HTR1F: variants seen among roughly 807,000 people sequenced by gnomAD.
HTR1F encodes 5-hydroxytryptamine receptor 1F, also known as 5-hydroxytryptamine (serotonin) receptor 1F, G protein-coupled.
A neutral mutation model predicts 24.0 loss-of-function variants in HTR1F; 17 were observed. That is an observed-to-expected ratio of 0.71 (90% confidence interval 0.48 to 1.06). HTR1F has a LOEUF of 1.06. HTR1F is among the 50% of genes least tolerant of loss of function. The pLI is 0.00. For missense variants in HTR1F, 391 were observed against 427.8 expected (o/e 0.91, Z 0.76); for synonymous variants, 186 against 156.8 (o/e 1.19, Z -1.39).
intron 2 of HTR1F, among the ~76,000 whole-genome samples, chr3:87,968,109 C>T (rs1015072129): frequency 3.9e-5 from 6 of 152,208 alleles, no homozygotes; most frequent in African/African-American, 1.4e-4. Context: ...ATACAGGTGA[C>T]TCTTGCTATG....
chr3:87,803,448 A>C (rs1037617516), intron 1 of HTR1F, among the ~76,000 whole-genome samples: 2 of 152,128 alleles, frequency 1.3e-5, no homozygotes, highest in African/African-American at 4.8e-5. Context: ...TAAGGGGGGA[A>C]AATCTATCCA....
At chr3:87,823,516 A>AT (rs199538588) in intron 2 of HTR1F, among the ~76,000 whole-genome samples, 12,599 of 139,258 alleles carry the variant, frequency 0.09, 596 homozygotes, top group Middle Eastern at 0.12. Flanking sequence ...CTGGTCCCAT[A>AT]TTTTTTTTTT....
intron 2 of HTR1F, among the ~76,000 whole-genome samples, chr3:87,877,919 C>G (rs1046686790): frequency 1.3e-5 from 2 of 152,176 alleles, no homozygotes; most frequent in African/African-American, 4.8e-5. Context: ...AGACCTCCCA[C>G]ACAATGAATT....
intron 2 of HTR1F, among the ~76,000 whole-genome samples, chr3:87,946,375 T>C (rs1339129963): frequency 6.6e-6 from 1 of 152,078 alleles, no homozygotes; most frequent in Non-Finnish European, 1.5e-5. Context: ...CCAAAGAGGG[T>C]AGCCTGAAAA....
At chr3:87,967,375 A>G (rs1431150) in intron 2 of HTR1F, among the ~76,000 whole-genome samples, 95,087 of 151,734 alleles carry the variant, frequency 0.63, 31,227 homozygotes, top group South Asian at 0.8. Context: ...ACTTGAACCA[A>G]GGAGGCGGAG....
chr3:87,942,062 C>T (rs372905793), intron 2 of HTR1F, among the ~76,000 whole-genome samples: 6 of 152,116 alleles, frequency 3.9e-5, no homozygotes, highest in East Asian at 1.9e-4. Context: ...ATTCTTTGCT[C>T]GTCCATATTG....
chr3:87,824,281 T>C (rs1704418412), intron 2 of HTR1F, among the ~76,000 whole-genome samples: 1 of 152,200 alleles, frequency 6.6e-6, no homozygotes, highest in East Asian at 1.9e-4. Flanking sequence ...AGACCAAAAA[T>C]GTGGGGGTCT....
At chr3:87,933,846 T>G (rs1404009645) in intron 2 of HTR1F, among the ~76,000 whole-genome samples, 1 of 152,178 alleles carries the variant, frequency 6.6e-6, no homozygotes, top group Non-Finnish European at 1.5e-5. Flanking sequence ...ATTAATTCCA[T>G]TCCAGGTTTT....
At chr3:87,974,559 T>A (rs1031014869) in intron 2 of HTR1F, among the ~76,000 whole-genome samples, 1 of 45,204 alleles carries the variant, frequency 2.2e-5, no homozygotes, top group African/African-American at 4.2e-5. Context: ...TGCCTGGCAA[T>A]CTTTTTTTAA....
At chr3:87,802,080 TTCCCTCCCTCCCTCC>T (rs1159426544) in intron 1 of HTR1F, among the ~76,000 whole-genome samples, 2 of 77,592 alleles carry the variant, frequency 2.6e-5, no homozygotes, top group Admixed American at 1.4e-4. Context: ...CCCTCCCTCC[TTCCCTCCCTCCCTCC>T]TCCCTCCCTC....
chr3:87,854,785 C>T (rs527709965), intron 2 of HTR1F, among the ~76,000 whole-genome samples: 2 of 152,160 alleles, frequency 1.3e-5, no homozygotes, highest in East Asian at 1.9e-4. Flanking sequence ...TGGTTCGAGA[C>T]ATTCTTCCTC....
chr3:87,908,380 T>A (rs1448751162), intron 2 of HTR1F, among the ~76,000 whole-genome samples: 1 of 151,928 alleles, frequency 6.6e-6, no homozygotes, highest in East Asian at 1.9e-4. Context: ...CTAGCTAGAG[T>A]CAGCTGGTAG....
At chr3:87,969,718 G>C (rs543561776) in intron 2 of HTR1F, among the ~76,000 whole-genome samples, 1 of 152,296 alleles carries the variant, frequency 6.6e-6, no homozygotes, top group African/African-American at 2.4e-5. Context: ...TGTTGAGAAG[G>C]CATGATTGGT....
intron 2 of HTR1F, among the ~76,000 whole-genome samples, chr3:87,971,023 C>T (rs770968676): frequency 1.3e-5 from 2 of 152,194 alleles, no homozygotes; most frequent in African/African-American, 2.4e-5. Context: ...GCCTCCTCCC[C>T]TTCCACAGAT....
At chr3:87,927,701 C>A (rs1456758691) in intron 2 of HTR1F, among the ~76,000 whole-genome samples, 6 of 152,124 alleles carry the variant, frequency 3.9e-5, no homozygotes, top group Non-Finnish European at 4.4e-5. Context: ...AATCAAATAT[C>A]TCAACTAAAT....
At chr3:87,880,650 G>T (rs1329486073) in intron 2 of HTR1F, among the ~76,000 whole-genome samples, 4 of 105,856 alleles carry the variant, frequency 3.8e-5, no homozygotes, top group East Asian at 6.5e-4. Context: ...GTTTGTTTGT[G>T]TGTGTGTGTG....
chr3:87,928,436 T>C (rs1203151612), intron 2 of HTR1F, among the ~76,000 whole-genome samples: 1 of 152,230 alleles, frequency 6.6e-6, no homozygotes, highest in Admixed American at 6.5e-5. Context: ...TAAGTAATAG[T>C]ATAGGTGATT....
intron 2 of HTR1F, among the ~76,000 whole-genome samples, chr3:87,844,644 G>A (rs1316379572): frequency 9.4e-5 from 12 of 127,416 alleles, no homozygotes; most frequent in African/African-American, 4.2e-4. Flanking sequence ...TTTTCTTCTA[G>A]GGTTTTTATG....
At chr3:87,825,455 C>G (rs914874512) in intron 2 of HTR1F, among the ~76,000 whole-genome samples, 19 of 152,124 alleles carry the variant, frequency 1.2e-4, no homozygotes, top group African/African-American at 4.6e-4. Context: ...TTACCTGGTG[C>G]TTGTTTCCCC....
Sources: gnomAD v4.1 joint callset for allele counts (sites outside exome capture counted in the v4.1 genomes callset) on GRCh38, gnomAD v4.1.1 for gene constraint, MANE v1.5 for transcripts, NCBI Gene and HGNC (gene_info 2026-07-23, HGNC 2026-07-21) for gene names.